CSMD1: variants seen among roughly 807,000 people sequenced by gnomAD.
CSMD1 encodes CUB and Sushi multiple domains 1.
A neutral mutation model predicts 417.5 loss-of-function variants in CSMD1; 213 were observed. The observed-to-expected ratio is 0.51, with a 90% CI of 0.46 to 0.57. CSMD1 has a LOEUF of 0.57. Ranked by LOEUF, CSMD1 falls within the 20% of genes least tolerant of loss-of-function variation. CSMD1 has a pLI of 0.00. For missense variants in CSMD1, 6,923 were observed against 4,529.7 expected, an observed-to-expected ratio of 1.53 and a Z score of -15.17; for synonymous variants, 2,862 against 1,736.8, an observed-to-expected ratio of 1.65 and a Z score of -16.11.
intron 3 of CSMD1, among the ~76,000 whole-genome samples, chr8:4,186,462 G>C (rs1427463422): frequency 4.6e-5 from 7 of 151,876 alleles, no homozygotes; most frequent in Non-Finnish European, 4.4e-5. Flanking sequence ...TGTAAAATAA[G>C]GATGCTAATA....
intron 2 of CSMD1, among the ~76,000 whole-genome samples, chr8:4,481,870 A>T (rs546857323): frequency 6.6e-6 from 1 of 152,146 alleles, no homozygotes; most frequent in African/African-American, 2.4e-5. Context: ...AAGTCAGGAA[A>T]CTGTAGCACA....
intron 37 of CSMD1, among the ~76,000 whole-genome samples, chr8:3,175,095 A>T (rs558240865): frequency 6.6e-6 from 1 of 152,196 alleles, no homozygotes; most frequent in Non-Finnish European, 1.5e-5. Context: ...TGCAAAATAT[A>T]AAAGTGTGAA....
chr8:4,335,752 G>T (rs1032463910), intron 3 of CSMD1, among the ~76,000 whole-genome samples: 2 of 152,064 alleles, frequency 1.3e-5, no homozygotes, highest in African/African-American at 4.8e-5. Context: ...ACGGCAACAA[G>T]ATAGAGTCAT....
chr8:4,613,745 T>G (rs1382263879), intron 2 of CSMD1, among the ~76,000 whole-genome samples: 2 of 151,880 alleles, frequency 1.3e-5, no homozygotes, highest in Non-Finnish European at 2.9e-5. Context: ...CTAATTTGGA[T>G]CTTTAACAAA....
intron 20 of CSMD1, among the ~76,000 whole-genome samples, chr8:3,361,370 T>C (rs1312040035): frequency 6.6e-6 from 1 of 152,078 alleles, no homozygotes; most frequent in Non-Finnish European, 1.5e-5. Context: ...GGCTCATACC[T>C]GTAATCTCAG....
chr8:3,949,936 A>C (rs997098495), intron 5 of CSMD1: 17 of 455,844 alleles, frequency 3.7e-5, no homozygotes, highest in Non-Finnish European at 7.1e-5. Context: ...ACGTGAAAAC[A>C]CACATGGAGA....
rs377077222 is a variant in CSMD1 at position 4,662,438 on chromosome 8, A to C, written c.86-24880T>G. On this transcript the variant is annotated intron_variant, in intron 1 of 69. Coordinates refer to ENST00000635120, the MANE Select transcript of CSMD1 (RefSeq NM_033225.6). ...CACATTGACACGCTTTTCTTTTAAT[A>C]ACACTAATTTCTTTTTATTTTCTCC... 3.8e-4 allele frequency among the ~76,000 whole-genome samples: 58 copies of C among 152,276 alleles called. 1 individual carries two copies. The South Asian group carries it at 0.011, about 29-fold the overall frequency.
chr8:4,287,521 T>A (rs538011072), intron 3 of CSMD1, among the ~76,000 whole-genome samples: 1 of 152,232 alleles, frequency 6.6e-6, no homozygotes, highest in East Asian at 1.9e-4. Context: ...ACCACACATG[T>A]TGCAGCTTCC....
At chr8:4,316,926 T>G (rs1798970172) in intron 3 of CSMD1, among the ~76,000 whole-genome samples, 1 of 152,126 alleles carries the variant, frequency 6.6e-6, no homozygotes, top group Non-Finnish European at 1.5e-5. Flanking sequence ...AGCCAGGTAC[T>G]GAATGAAAAT....
At chr8:3,994,600 C>A (rs1815057626) in intron 5 of CSMD1, among the ~76,000 whole-genome samples, 1 of 151,894 alleles carries the variant, frequency 6.6e-6, no homozygotes, top group South Asian at 2.1e-4. Flanking sequence ...AGCCAACCTG[C>A]ATGAAATTAG....
At chr8:4,022,182 G>GTATA (rs766026029) in intron 4 of CSMD1, among the ~76,000 whole-genome samples, 9 of 57,756 alleles carry the variant, frequency 1.6e-4, no homozygotes, top group Non-Finnish European at 3.1e-4. Context: ...GTATATTTAT[G>GTATA]TGTATATATA....
At chr8:4,127,411 C>G (rs1331511478) in intron 3 of CSMD1, among the ~76,000 whole-genome samples, 1 of 138,130 alleles carries the variant, frequency 7.2e-6, no homozygotes, top group Non-Finnish European at 1.5e-5. Context: ...AAATCTAAAC[C>G]AACCACCTTT....
At chr8:3,786,880 G>C (rs573491916) in intron 5 of CSMD1, among the ~76,000 whole-genome samples, 3 of 152,134 alleles carry the variant, frequency 2.0e-5, no homozygotes, top group African/African-American at 4.8e-5. Context: ...ACACCCTCCT[G>C]ACCTAAAAGC....
rs542809921 is a variant in CSMD1, at chr8:3,573,717, T to C, written c.1344+1228A>G. Among the ~76,000 whole-genome samples, 18 of 152,274 alleles carry C rather than the reference T, an allele frequency of 1.2e-4. No homozygotes were observed. The South Asian group carries it at 2.7e-3, about 23-fold the overall frequency. ...AACTATATAAATAAGATGGATATTT[T>C]GACAAAATGTAAAAATGAAGAGATG... On this transcript the variant is annotated intron_variant, in intron 10 of 69. Transcript: ENST00000635120.
intron 3 of CSMD1, among the ~76,000 whole-genome samples, chr8:4,131,003 G>C (rs1049746502): frequency 6.6e-6 from 1 of 152,076 alleles, no homozygotes; most frequent in Non-Finnish European, 1.5e-5. Flanking sequence ...CCTGCTGTTG[G>C]AATCTAGCAT....
chr8:4,235,831 G>T (rs1328398293), intron 3 of CSMD1, among the ~76,000 whole-genome samples: 1 of 152,168 alleles, frequency 6.6e-6, no homozygotes, highest in Non-Finnish European at 1.5e-5. Context: ...ACACTCAGAG[G>T]AGAGGAGACA....
chr8:4,384,981 C>A (rs926333977), intron 3 of CSMD1, among the ~76,000 whole-genome samples: 1 of 152,138 alleles, frequency 6.6e-6, no homozygotes, highest in Non-Finnish European at 1.5e-5. Context: ...AGTGCAATGG[C>A]GCAATCTCGA....
chr8:3,641,266 G>T (rs1797292606), intron 7 of CSMD1, among the ~76,000 whole-genome samples: 1 of 151,978 alleles, frequency 6.6e-6, no homozygotes, highest in African/African-American at 2.4e-5. Context: ...CAAATCCAGG[G>T]GAGTAAGTGG....
intron 5 of CSMD1, among the ~76,000 whole-genome samples, chr8:3,940,823 C>G (rs984302927): frequency 6.7e-6 from 1 of 149,996 alleles, no homozygotes; most frequent in Non-Finnish European, 1.5e-5. Context: ...TCTTAAAAAC[C>G]ACAACTTAAC....
Sources: allele counts gnomAD v4.1 joint callset (sites outside exome capture counted in the v4.1 genomes callset), GRCh38; gene constraint gnomAD v4.1.1; transcripts MANE v1.5; gene names NCBI Gene and HGNC (gene_info 2026-07-23, HGNC 2026-07-21).